MAP7: variants seen among roughly 807,000 people sequenced by gnomAD.
MAP7 encodes microtubule associated protein 7.
Under a neutral mutation model 94.8 loss-of-function variants are expected in MAP7, and 52 were observed. That is an observed-to-expected ratio of 0.55 (90% CI 0.44 to 0.69). The LOEUF (loss-of-function observed/expected upper bound fraction) is 0.69. Among genes scored for constraint, MAP7 ranks in the 30% least tolerant of loss-of-function variants. MAP7 has a pLI of 0.00. For missense variants in MAP7, 940 were observed against 964.6 expected, an observed-to-expected ratio of 0.97 and a Z score of 0.34; for synonymous variants, 350 against 357.0, an observed-to-expected ratio of 0.98 and a Z score of 0.22.
At chr6:136,438,356 A>G (rs1796927844) in intron 1 of MAP7, among the ~76,000 whole-genome samples, 1 of 152,218 alleles carries the variant, frequency 6.6e-6, no homozygotes, top group African/African-American at 2.4e-5. Context: ...GTGGTCAGAA[A>G]GGGTCTGAAT....
intron 3 of MAP7, among the ~76,000 whole-genome samples, chr6:136,411,164 G>C (rs1787318147): frequency 6.6e-6 from 1 of 152,186 alleles, no homozygotes; most frequent in African/African-American, 2.4e-5. Context: ...CAAGGGCCTT[G>C]GGTAATAAGA....
intron 3 of MAP7, among the ~76,000 whole-genome samples, chr6:136,406,137 G>A (rs1408163331): frequency 6.6e-6 from 1 of 152,060 alleles, no homozygotes; most frequent in Admixed American, 6.6e-5. Context: ...TCTGGTTCTA[G>A]TAATGGTTTC....
intron 3 of MAP7, among the ~76,000 whole-genome samples, chr6:136,409,695 C>A (rs553150371): frequency 2.0e-5 from 3 of 152,216 alleles, no homozygotes; most frequent in African/African-American, 4.8e-5. Flanking sequence ...GCTCTCAATG[C>A]CCCTGGCGCA....
At chr6:136,406,740 G>A (rs943757433) in intron 3 of MAP7, among the ~76,000 whole-genome samples, 2 of 152,172 alleles carry the variant, frequency 1.3e-5, no homozygotes, top group Non-Finnish European at 2.9e-5. Flanking sequence ...AGAATTGCTT[G>A]AACCTGGAAG....
chr6:136,482,813 G>T (rs1003974292), intron 1 of MAP7, among the ~76,000 whole-genome samples: 1 of 152,096 alleles, frequency 6.6e-6, no homozygotes, highest in African/African-American at 2.4e-5. Flanking sequence ...GATTTGGCAG[G>T]CAACAAGCTG....
At chr6:136,498,557 G>C (rs145428099) in intron 1 of MAP7, among the ~76,000 whole-genome samples, 32 of 152,220 alleles carry the variant, frequency 2.1e-4, no homozygotes, top group African/African-American at 7.5e-4. Context: ...GTGTCTAAGG[G>C]AACATGCTTA....
At position 136,395,557 on chromosome 6, in the gene MAP7, T is replaced by G. The variant is rs1480661498; in HGVS notation, c.245-6040A>C. 5.3e-5 allele frequency among the ~76,000 whole-genome samples: 8 copies of G among 152,162 alleles called. No homozygotes were observed. The East Asian group carries it at 1.5e-3, about 29-fold the overall frequency. ...CTTTGCTGTGCAGAAGGTTTTTGGC[T>G]TCATGTAATCCTATTTGTCTATTTT... On this transcript the variant is annotated intron_variant, in intron 3 of 17. Coordinates refer to ENST00000354570, the MANE Select transcript of MAP7 (RefSeq NM_003980.6).
chr6:136,362,324 G>T, intron 11 of MAP7, 126 bp downstream of exon 11: 1 of 1,247,426 alleles, frequency 8.0e-7, no homozygotes, highest in Non-Finnish European at 1.1e-6. Context: ...AATTAGGTAA[G>T]AGTAATCCTG....
At chr6:136,379,472 A>G (rs1456397772) in intron 6 of MAP7, among the ~76,000 whole-genome samples, 3 of 152,230 alleles carry the variant, frequency 2.0e-5, no homozygotes, top group Admixed American at 2.0e-4. Context: ...ACCACGGGCT[A>G]AGTACTATCA....
chr6:136,495,873 A>G (rs1320634851), intron 1 of MAP7, among the ~76,000 whole-genome samples: 1 of 152,192 alleles, frequency 6.6e-6, no homozygotes, highest in Non-Finnish European at 1.5e-5. Context: ...TGATTTATAC[A>G]TATCAAAACA....
intron 1 of MAP7, among the ~76,000 whole-genome samples, chr6:136,516,660 T>C (rs1164387738): frequency 6.6e-6 from 1 of 152,218 alleles, no homozygotes; most frequent in Non-Finnish European, 1.5e-5. Flanking sequence ...GCTTTCTCCA[T>C]CGTAAGTGTT....
intron 1 of MAP7, among the ~76,000 whole-genome samples, chr6:136,491,270 T>C (rs1816511456): frequency 6.6e-6 from 1 of 152,184 alleles, no homozygotes; most frequent in African/African-American, 2.4e-5. Flanking sequence ...TCATGTTAGG[T>C]CAAAAATGGA....
At position 136,541,059 on chromosome 6, in the gene MAP7, T is replaced by C. The variant is rs376850404; in HGVS notation, c.67+9283A>G. Among the ~76,000 whole-genome samples the C allele has an allele frequency of 3.9e-5, 6 of 152,270 alleles. No individual in the cohort carries two copies. The East Asian group carries it at 5.8e-4, about 15-fold the overall frequency. ...ACTAATTTGGAGCATCTACCATGAA[T>C]AGAAACCAGTCCAGCTGGAATGCAA... On this transcript the variant is annotated intron_variant, in intron 1 of 17. Coordinates refer to ENST00000354570, the MANE Select transcript of MAP7 (RefSeq NM_003980.6).
At chr6:136,456,710 A>T (rs1457674196) in intron 1 of MAP7, among the ~76,000 whole-genome samples, 1 of 147,556 alleles carries the variant, frequency 6.8e-6, no homozygotes, top group African/African-American at 2.5e-5. Context: ...AGAAGAAAGA[A>T]GAGGAGAAGA....
intron 1 of MAP7, among the ~76,000 whole-genome samples, chr6:136,507,604 C>T (rs2129022354): frequency 6.6e-6 from 1 of 151,694 alleles, no homozygotes; most frequent in South Asian, 2.1e-4. Context: ...TTTCTTAAAA[C>T]TACTAAGATA....
At chr6:136,420,385 G>A (rs1303934568) in intron 2 of MAP7, 1 of 546,422 alleles carries the variant, frequency 1.8e-6, no homozygotes, top group Non-Finnish European at 3.3e-6. Flanking sequence ...TGCAGCACCA[G>A]GAGGCCAGGG....
intron 1 of MAP7, among the ~76,000 whole-genome samples, chr6:136,544,451 C>T (rs1336076670): frequency 6.6e-6 from 1 of 152,224 alleles, no homozygotes; most frequent in Non-Finnish European, 1.5e-5. Context: ...ACCAAACCAA[C>T]AGCTTTTTAT....
At chr6:136,421,872 G>A in intron 1 of MAP7, 73 bp from the exon 2 acceptor site, 5 of 1,138,252 alleles carry the variant, frequency 4.4e-6, no homozygotes, top group Admixed American at 2.2e-5. Flanking sequence ...TTAAGTATTC[G>A]ACATTTACTG....
Position 136,344,210 on chromosome 6 carries a change from G to T in MAP7, c.*18C>A, listed in dbSNP as rs763736952. On this transcript the variant is annotated 3_prime_UTR_variant, in exon 18 of 18. Coordinates refer to ENST00000354570, the MANE Select transcript of MAP7 (RefSeq NM_003980.6). ...AAATTCTCATTAAATTTCAGCTTTG[G>T]TTCTTCAGAAGAAACACTCATATAA... The T allele has an allele frequency of 7.6e-7, 1 of 1,318,318 alleles. No homozygotes were observed. The highest frequency in any genetic ancestry group is 1.0e-6 in the Non-Finnish European group (1 of 986,734). The allele number at this position is 1,318,318 out of a possible 1,614,324, so 81.7% of individuals were successfully genotyped here. A position where few individuals can be genotyped will look rare whatever the true frequency, so the allele number is the denominator to read the frequency against.
Sources: allele counts gnomAD v4.1 joint callset (sites outside exome capture counted in the v4.1 genomes callset), GRCh38; gene constraint gnomAD v4.1.1; transcripts MANE v1.5; gene names NCBI Gene and HGNC (gene_info 2026-07-23, HGNC 2026-07-21).